PHYHIPL: variants seen among roughly 807,000 people sequenced by gnomAD.
PHYHIPL encodes the protein phytanoyl-CoA 2-hydroxylase interacting protein like.
PHYHIPL carries 9 observed loss-of-function variants against 33.4 expected under a neutral mutation model. That is an observed-to-expected ratio of 0.27 (90% CI 0.16 to 0.47). The LOEUF is 0.47. Among genes scored for constraint, PHYHIPL ranks in the 20% least tolerant of loss-of-function variants. The pLI is 0.99. For synonymous variants in PHYHIPL, 153 were observed against 154.1 expected, an observed-to-expected ratio of 0.99 and a Z score of 0.05; for missense variants, 365 against 460.7, an observed-to-expected ratio of 0.79 and a Z score of 1.90.
intron 4 of PHYHIPL, among the ~76,000 whole-genome samples, chr10:59,243,168 C>T (rs577402189): frequency 1.3e-5 from 2 of 151,654 alleles, no homozygotes; most frequent in African/African-American, 4.8e-5. Flanking sequence ...TACAAGACAC[C>T]TTATGTATAA....
In PHYHIPL at chr10:59,246,656, G is replaced by T; in HGVS notation, c.*1065G>T. 1 of 397,512 alleles carries T rather than the reference G, an allele frequency of 2.5e-6. No individual in the cohort carries two copies. Among genetic ancestry groups the T allele is most frequent in the South Asian group, 1.3e-4 (1 of 7,838 alleles). 24.6% of individuals were successfully genotyped at this position (397,512 alleles called of 1,614,324 possible). On this transcript the variant is annotated 3_prime_UTR_variant, in exon 5 of 5. Transcript: ENST00000373880. ...TTCTGGCTTCTTTTTCAAGGTATCAGGGCAAACAATTTCCAAACTTTTCAT... is the reference window on the plus strand; with the variant it reads ...TTCTGGCTTCTTTTTCAAGGTATCATGGCAAACAATTTCCAAACTTTTCAT...
intron 1 of PHYHIPL, among the ~76,000 whole-genome samples, chr10:59,228,916 T>C (rs1293259949): frequency 6.6e-6 from 1 of 152,180 alleles, no homozygotes; most frequent in Non-Finnish European, 1.5e-5. Flanking sequence ...AAAGATATTA[T>C]GTAGAAGAAA....
rs1277486645 is a variant in PHYHIPL, at chr10:59,225,226, T to C, written c.107-9078T>C. Among the ~76,000 whole-genome samples the C allele has an allele frequency of 3.1e-5, 4 of 130,542 alleles. No individual in the cohort carries two copies. The East Asian group carries it at 9.2e-4, about 30-fold the overall frequency. 85.6% of individuals were successfully genotyped at this position (130,542 alleles called of 152,430 possible). On this transcript the variant is annotated intron_variant, in intron 1 of 4. Transcript: ENST00000373880. ...TCAACATTATACTCCCTGAGTAATA[T>C]GTGTCATATAATTTATCCATGGAAT...
At chr10:59,174,309 G>A (rs1269080358), upstream of PHYHIPL, among the ~76,000 whole-genome samples, 1 of 151,972 alleles carries the variant, frequency 6.6e-6, no homozygotes, top group African/African-American at 2.4e-5. Flanking sequence ...CTACTTCATA[G>A]CCACCACCTT....
chr10:59,221,709 G>A (rs1485795204), intron 1 of PHYHIPL: 1 of 983,602 alleles, frequency 1.0e-6, no homozygotes, highest in African/African-American at 1.7e-5. Flanking sequence ...TAGCACCACA[G>A]AGATAAACAA....
At chr10:59,196,484 C>T (rs545335842) in intron 1 of PHYHIPL, among the ~76,000 whole-genome samples, 5 of 148,118 alleles carry the variant, frequency 3.4e-5, no homozygotes, top group South Asian at 2.1e-4. Flanking sequence ...GTGTGAATCT[C>T]GGCTCACTGC....
chr10:59,200,458 C>T (rs1033684561), intron 1 of PHYHIPL, among the ~76,000 whole-genome samples: 4 of 152,116 alleles, frequency 2.6e-5, no homozygotes, highest in Non-Finnish European at 4.4e-5. Context: ...ATTTGGTTTG[C>T]CAGGATTTTA....
chr10:59,177,693 T>G (rs1838291113), intron 1 of PHYHIPL: 3 of 1,490,158 alleles, frequency 2.0e-6, no homozygotes, highest in African/African-American at 2.8e-5. Flanking sequence ...GGAAGGAAAT[T>G]GATTGAATAC....
At chr10:59,241,972 T>C (rs1380600828) in intron 4 of PHYHIPL, among the ~76,000 whole-genome samples, 1 of 152,154 alleles carries the variant, frequency 6.6e-6, no homozygotes, top group Non-Finnish European at 1.5e-5. Flanking sequence ...AGAAACCTTT[T>C]AGACAATAAC....
At chr10:59,197,960 G>A (rs1475144934) in intron 1 of PHYHIPL, among the ~76,000 whole-genome samples, 3 of 152,092 alleles carry the variant, frequency 2.0e-5, no homozygotes, top group Non-Finnish European at 4.4e-5. Flanking sequence ...TTGCATTTAT[G>A]TCCTCTTGTG....
At chr10:59,224,529 G>C (rs1404481624) in intron 1 of PHYHIPL, among the ~76,000 whole-genome samples, 1 of 123,998 alleles carries the variant, frequency 8.1e-6, no homozygotes, top group Non-Finnish European at 1.9e-5. Context: ...CAAAACAGAA[G>C]AGCAATTGAA....
intron 1 of PHYHIPL, among the ~76,000 whole-genome samples, chr10:59,201,268 C>T (rs926961304): frequency 3.3e-5 from 5 of 152,132 alleles, no homozygotes; most frequent in African/African-American, 1.2e-4. Flanking sequence ...TCTTTGTTCT[C>T]ATTGGTTTCA....
In PHYHIPL at chr10:59,196,610, G is replaced by A. The variant is rs531750851; in HGVS notation, c.106+19651G>A. Among the ~76,000 whole-genome samples, 362 of 151,878 alleles carry A rather than the reference G, an allele frequency of 2.4e-3. 3 individuals are homozygous for A. Among genetic ancestry groups the A allele is most frequent in the African/African-American group, 8.4e-3 (349 of 41,434 alleles). On this transcript the variant is annotated intron_variant, in intron 1 of 4. Transcript: ENST00000373880. ...ATTTTTTGTATTTTTAGTAGAGATG[G>A]GGTTTCACCGTGTTAGGCAGGATGG...
intron 1 of PHYHIPL, among the ~76,000 whole-genome samples, chr10:59,198,523 A>G (rs1408000208): frequency 1.3e-5 from 2 of 152,106 alleles, no homozygotes; most frequent in East Asian, 1.9e-4. Context: ...ATACATGTGC[A>G]TGTGTCTTTA....
intron 1 of PHYHIPL, among the ~76,000 whole-genome samples, chr10:59,221,890 C>T (rs562533622): frequency 2.9e-4 from 44 of 151,914 alleles, no homozygotes; most frequent in Non-Finnish European, 4.1e-4. Context: ...GAAAACTTTT[C>T]GTTAATATTT....
At chr10:59,184,571 G>A (rs763343911) in intron 1 of PHYHIPL, among the ~76,000 whole-genome samples, 7 of 152,050 alleles carry the variant, frequency 4.6e-5, no homozygotes, top group Non-Finnish European at 8.8e-5. Flanking sequence ...GTCAGTCAGA[G>A]ATGGGTGGTC....
intron 1 of PHYHIPL, among the ~76,000 whole-genome samples, chr10:59,201,451 A>G (rs556840305): frequency 6.6e-6 from 1 of 152,266 alleles, no homozygotes; most frequent in South Asian, 2.1e-4. Context: ...GTTATTTTAC[A>G]TTTGCTGAAG....
intron 1 of PHYHIPL, among the ~76,000 whole-genome samples, chr10:59,199,942 TAAG>T (rs1839046964): frequency 6.6e-6 from 1 of 152,196 alleles, no homozygotes; most frequent in African/African-American, 2.4e-5. Context: ...CTTATCAGCA[TAAG>T]AAGATTTTGG....
Position 59,200,488 on chromosome 10 carries a change from C to T in PHYHIPL, c.106+23529C>T, listed in dbSNP as rs150551653. Among the ~76,000 whole-genome samples the T allele has an allele frequency of 4.7e-4, 71 of 152,174 alleles. No individual in the cohort carries two copies. The East Asian group carries it at 7.9e-3, about 17-fold the overall frequency. ...ATTTTATTTTGGATTTTTGCATCGA[C>T]GTTCATCAGGGATATTGGTCTGAAA... On this transcript the variant is annotated intron_variant, in intron 1 of 4. Coordinates refer to ENST00000373880, the MANE Select transcript of PHYHIPL (RefSeq NM_032439.4).
Sources: gnomAD v4.1 joint callset for allele counts (sites outside exome capture counted in the v4.1 genomes callset) on GRCh38, gnomAD v4.1.1 for gene constraint, MANE v1.5 for transcripts, NCBI Gene and HGNC (gene_info 2026-07-23, HGNC 2026-07-21) for gene names.